Variants in ANGPTL6 observed in about 807,000 individuals in gnomAD.
ANGPTL6 encodes the protein angiopoietin like 6, also known as angiopoietin-related protein 6.
ANGPTL6 carries 45 observed loss-of-function variants against 47.4 expected under a neutral mutation model. The ratio of observed to expected loss-of-function variants is 0.95; its 90% CI spans 0.75 to 1.22. The LOEUF is 1.22. Among genes scored for constraint, ANGPTL6 ranks in the 50% most tolerant of loss-of-function variants. ANGPTL6 has a pLI of 0.00. For missense variants in ANGPTL6, 698 were observed against 669.4 expected (o/e 1.04, Z -0.47); for synonymous variants, 290 against 295.9 (o/e 0.98, Z 0.20).
upstream of ANGPTL6, among the ~76,000 whole-genome samples, chr19:10,105,020 G>C (rs1425107221): frequency 1.3e-5 from 2 of 152,184 alleles, no homozygotes; most frequent in Non-Finnish European, 2.9e-5. Flanking sequence ...AACTCACATA[G>C]AGCCCCACAG....
At chr19:10,097,643 A>C (rs1397317721) in intron 1 of ANGPTL6, among the ~76,000 whole-genome samples, 3 of 151,878 alleles carry the variant, frequency 2.0e-5, no homozygotes. Flanking sequence ...CACGAGGTCA[A>C]GAGATCGAGA....
In ANGPTL6 at chr19:10,094,930, C is replaced by T. The variant is rs561613136; in HGVS notation, c.591G>A (p.Pro197=). ...GGAGGQQQVL[P]PPPLVPVVPV... ...GAACCACAGGCACCAGTGGGGGTGG[C>T]GGCAGGACCTGGGGTGACGGAGAAA... The change falls in exon 3 of 6, where the codon CCG becomes CCA. Residue 197 remains proline, a synonymous_variant. Transcript: ENST00000253109. 1.4e-5 allele frequency: 23 copies of T among 1,608,616 alleles called. 1 individual carries two copies. In the South Asian group the frequency reaches 1.8e-4, roughly 12 times the overall value.
rs776870275 is a variant in ANGPTL6 at position 10,096,405 on chromosome 19, C to T, written c.159G>A (p.Thr53=). 2 of 1,317,710 alleles carry T rather than the reference C, an allele frequency of 1.5e-6. No homozygotes were observed. The highest frequency in any genetic ancestry group is 4.2e-5 in the Admixed American group (1 of 24,074). The allele number at this position is 1,317,710 out of a possible 1,614,324, so 81.6% of individuals were successfully genotyped here. A position where few individuals can be genotyped will look rare whatever the true frequency, so the allele number is the denominator to read the frequency against. The part of the protein sequence containing the change: ...CWSGPASTRA[T]PEAANASELA... ...GCTCGCTGGCGTTGGCGGCCTCGGG[C>T]GTCGCCCGCGTGGATGCGGGGCCGC... Residue 53 remains threonine, a synonymous_variant, in exon 2 of 6, where the codon ACG becomes ACA. Transcript: ENST00000253109.
At chr19:10,093,002 G>A in intron 5 of ANGPTL6, 1 of 496,000 alleles carries the variant, frequency 2.0e-6, no homozygotes. Flanking sequence ...CAAAGTACAA[G>A]TCACATCTTT....
At position 10,094,958 on chromosome 19, in the gene ANGPTL6, C is replaced by T. The variant is rs372218663; in HGVS notation, c.583-20G>A. ...CAGGACCTGGGGTGACGGAGAAAGTCAGGTGTAATTGCACTAACCCTCAGG... is the reference window on the plus strand; with the variant it reads ...CAGGACCTGGGGTGACGGAGAAAGTTAGGTGTAATTGCACTAACCCTCAGG... On this transcript the variant is annotated intron_variant, in intron 2 of 5. Transcript: ENST00000253109. 14 of 1,588,650 alleles carry T rather than the reference C, an allele frequency of 8.8e-6. No homozygotes were observed. The African/African-American group carries it at 1.8e-4, about 20-fold the overall frequency.
In ANGPTL6 at chr19:10,093,809, C is replaced by T. The variant is rs2088459604; in HGVS notation, c.835G>A (p.Gly279Ser). ...CACCATACTGACACTACGTGACGGCCCACTCGCAGTTCATACACTCCACTC... is the reference window on the plus strand; with the variant it reads ...CACCATACTGACACTACGTGACGGCTCACTCGCAGTTCATACACTCCACTC... ...EQSGVYELRV[G>S]RHVVSVWCEQ... is the part of the protein sequence containing the mutation. The change falls in exon 4 of 6, where the codon GGC (glycine) becomes AGC (serine). Residue 279 changes from glycine (G) to serine (S), a missense_variant. Gly to Ser is a moderately conservative substitution (Grantham distance 56). Coordinates refer to ENST00000253109, the MANE Select transcript of ANGPTL6 (RefSeq NM_031917.3). 6.2e-7 allele frequency: 1 copy of T among 1,613,800 alleles called. No individual in the cohort carries two copies. Among genetic ancestry groups the T allele is most frequent in the African/African-American group, 1.3e-5 (1 of 74,954 alleles).
chr19:10,101,703 C>G (rs2088683833), intron 1 of ANGPTL6, among the ~76,000 whole-genome samples: 1 of 149,508 alleles, frequency 6.7e-6, no homozygotes, highest in Non-Finnish European at 1.5e-5. Flanking sequence ...AGCTACTACT[C>G]AGGAGGCTGA....
upstream of ANGPTL6, among the ~76,000 whole-genome samples, chr19:10,104,706 T>G (rs2088775020): frequency 6.6e-6 from 1 of 152,110 alleles, no homozygotes; most frequent in South Asian, 2.1e-4. Flanking sequence ...ACATAACAGT[T>G]TCAGGCAACA....
upstream of ANGPTL6, among the ~76,000 whole-genome samples, chr19:10,103,903 G>A (rs147905948): frequency 2.1e-3 from 320 of 151,296 alleles, 1 homozygote; most frequent in African/African-American, 4.5e-3. Context: ...GACCAGCCTG[G>A]CCAAGATGGT....
rs781415596 is a variant in ANGPTL6 at position 10,093,742 on chromosome 19, C to T, written c.902G>A (p.Arg301Gln). ...LEGGGWTVIQRRQDGSVNFFT... is the reference protein window; with the variant it reads ...LEGGGWTVIQQRQDGSVNFFT... ...GAAGTTGACTGAACCATCTTGCCTC[C>T]GCTGGATCACAGTCCAGCCTCCACC... The change falls in exon 4 of 6, where the codon CGG becomes CAG. Residue 301 changes from arginine (R) to glutamine (Q), a missense_variant. Physicochemically the swap from Arg to Gln is conservative, Grantham distance 43. Coordinates refer to ENST00000253109, the MANE Select transcript of ANGPTL6 (RefSeq NM_031917.3). 8.1e-6 allele frequency: 13 copies of T among 1,614,232 alleles called. No individual in the cohort carries two copies. Among genetic ancestry groups the T allele is most frequent in the East Asian group, 4.5e-5 (2 of 44,880 alleles).
Position 10,093,365 on chromosome 19 carries a change from G to A in ANGPTL6, c.1206C>T (p.Asp402=). 3 of 1,613,550 alleles carry A rather than the reference G, an allele frequency of 1.9e-6. No homozygotes were observed. Among genetic ancestry groups the A allele is most frequent in the East Asian group, 2.2e-5 (1 of 44,852 alleles). ...NDKPFSTVDR[D]RDSYSGNCAL... is the part of the protein sequence containing the mutation. The stretch of plus-strand genomic sequence containing the variant: ...TCTCCTTACCAGAATAGGAGTCTCG[G>A]TCCCTATCCACGGTGCTGAAGGGCT... Residue 402 remains aspartate, a synonymous_variant, in exon 5 of 6, where the codon GAC becomes GAT. Transcript: ENST00000253109.
In ANGPTL6 at chr19:10,093,802, T is replaced by C. The variant is rs1222341593; in HGVS notation, c.842A>G (p.His281Arg). 6.2e-7 allele frequency: 1 copy of C among 1,613,926 alleles called. No individual in the cohort carries two copies. Among genetic ancestry groups the C allele is most frequent in the Non-Finnish European group, 8.5e-7 (1 of 1,180,046 alleles). ...SGVYELRVGR[H>R]VVSVWCEQQL... ...CTGCTCACACCATACTGACACTACG[T>C]GACGGCCCACTCGCAGTTCATACAC... is the stretch of plus-strand genomic sequence containing the variant. Residue 281 changes from histidine (H) to arginine (R), a missense_variant, in exon 4 of 6, where the codon CAC becomes CGC. Coordinates refer to ENST00000253109, the MANE Select transcript of ANGPTL6 (RefSeq NM_031917.3).
In ANGPTL6 at chr19:10,092,428, G is replaced by C; in HGVS notation, c.*161C>G. 6.6e-7 allele frequency: 1 copy of C among 1,516,184 alleles called. No homozygotes were observed. The highest frequency in any genetic ancestry group is 8.8e-7 in the Non-Finnish European group (1 of 1,131,338). 93.9% of individuals were successfully genotyped at this position (1,516,184 alleles called of 1,614,324 possible). A position where few individuals can be genotyped will look rare whatever the true frequency, so the allele number is the denominator to read the frequency against. On this transcript the variant is annotated 3_prime_UTR_variant, in exon 6 of 6. Coordinates refer to ENST00000253109, the MANE Select transcript of ANGPTL6 (RefSeq NM_031917.3). ...ATCTGAGGCCAAGATATTGACGGGG[G>C]GGATTCCTGGGTCCCATTTTCAGCG...
Position 10,096,386 on chromosome 19 carries a change from T to G in ANGPTL6, c.178A>C (p.Ser60Arg). ...CGCATGCGCAGCGCCGCCAGCTCGC[T>G]GGCGTTGGCGGCCTCGGGCGTCGCC... ...TRATPEAANA[S>R]ELAALRMRVG... The change falls in exon 2 of 6, where the codon AGC becomes CGC. Residue 60 changes from serine (S) to arginine (R), a missense_variant. By Grantham distance (110) the Ser-to-Arg change is moderately radical (BLOSUM62 -1). Coordinates refer to ENST00000253109, the MANE Select transcript of ANGPTL6 (RefSeq NM_031917.3). The G allele has an allele frequency of 7.7e-7, 1 of 1,301,978 alleles. No individual in the cohort carries two copies. 80.7% of individuals were successfully genotyped at this position (1,301,978 alleles called of 1,614,324 possible).
At chr19:10,096,602 A>G (rs1182080984) in intron 1 of ANGPTL6, 29 bp from the exon 2 acceptor site, 4 of 1,454,030 alleles carry the variant, frequency 2.8e-6, no homozygotes, top group Middle Eastern at 2.3e-4. Flanking sequence ...CGGAAGGAAG[A>G]CGGGGTGCTG....
chr19:10,096,549 CCAGG>C lies in ANGPTL6; in HGVS notation c.11_14del (p.Pro4ArgfsTer99). ...GGAGCAGCAGCTGTAGCGCACGCAG[CCAGG>C]GCTTCCCCATCGCGGCGGACCTGCA... On this transcript the variant is annotated frameshift_variant, in exon 2 of 6. Coordinates refer to ENST00000253109, the MANE Select transcript of ANGPTL6 (RefSeq NM_031917.3). LOFTEE classifies it high-confidence loss of function. 6.6e-7 allele frequency: 1 copy of C among 1,510,334 alleles called. No homozygotes were observed. Among genetic ancestry groups the C allele is most frequent in the South Asian group, 1.2e-5 (1 of 82,644 alleles). The allele number at this position is 1,510,334 out of a possible 1,614,324, so 93.6% of individuals were successfully genotyped here.
intron 1 of ANGPTL6, among the ~76,000 whole-genome samples, chr19:10,097,433 C>T (rs1233763034): frequency 3.9e-5 from 6 of 151,922 alleles, no homozygotes; most frequent in Non-Finnish European, 8.8e-5. Flanking sequence ...TGCCAGCCCC[C>T]TTTCTAGGCA....
intron 2 of ANGPTL6, among the ~76,000 whole-genome samples, chr19:10,095,685 G>A (rs192564173): frequency 4.1e-4 from 63 of 152,234 alleles, no homozygotes; most frequent in African/African-American, 1.5e-3. Flanking sequence ...CACAGGGAGG[G>A]TTATGTATAT....
In ANGPTL6 at chr19:10,092,684, T is replaced by C; in HGVS notation, c.1318A>G (p.Ser440Gly). 1 of 1,614,034 alleles carries C rather than the reference T, an allele frequency of 6.2e-7. No individual in the cohort carries two copies. Among genetic ancestry groups the C allele is most frequent in the Non-Finnish European group, 8.5e-7 (1 of 1,179,924 alleles). ...CAGTAGACACCATCCTGGTAGCGGCTTCGGTAGTGGCCGCCGTGGTGCCAC... is the reference window on the plus strand; with the variant it reads ...CAGTAGACACCATCCTGGTAGCGGCCTCGGTAGTGGCCGCCGTGGTGCCAC... ...GVWHHGGHYR[S>G]RYQDGVYWAE... The change falls in exon 6 of 6, where the codon AGC becomes GGC. Residue 440 changes from serine (S) to glycine (G), a missense_variant. Transcript: ENST00000253109.
Sources: allele counts gnomAD v4.1 joint callset (sites outside exome capture counted in the v4.1 genomes callset), GRCh38; gene constraint gnomAD v4.1.1; transcripts MANE v1.5; gene names NCBI Gene and HGNC (gene_info 2026-07-23, HGNC 2026-07-21).